The following OSBPL8 variants were observed in gnomAD, a reference collection of about 807,000 sequenced individuals.
OSBPL8 encodes oxysterol binding protein like 8, also known as oxysterol-binding protein-related protein 8.
OSBPL8 carries 59 observed loss-of-function variants against 125.5 expected under a neutral mutation model. That is an observed-to-expected ratio of 0.47 (90% CI 0.38 to 0.58). OSBPL8 has a LOEUF of 0.58. Among genes scored for constraint, OSBPL8 ranks in the 20% least tolerant of loss-of-function variants. The pLI is 0.00. For missense variants in OSBPL8, 758 were observed against 1,047.8 expected, an observed-to-expected ratio of 0.72 and a Z score of 3.82; for synonymous variants, 330 against 338.9, an observed-to-expected ratio of 0.97 and a Z score of 0.29.
chr12:76,442,833 T>A (rs1565900742), intron 4 of OSBPL8, among the ~76,000 whole-genome samples: 1 of 152,210 alleles, frequency 6.6e-6, no homozygotes, highest in South Asian at 2.1e-4. Flanking sequence ...AGGTACTCCA[T>A]GTTAGTCACC....
At chr12:76,501,004 G>C (rs2137115375) in intron 1 of OSBPL8, among the ~76,000 whole-genome samples, 1 of 152,244 alleles carries the variant, frequency 6.6e-6, no homozygotes, top group East Asian at 1.9e-4. Context: ...GTAGGCATCT[G>C]AGTTTGTGCC....
intron 4 of OSBPL8, among the ~76,000 whole-genome samples, chr12:76,415,326 C>A (rs1868500748): frequency 6.6e-6 from 1 of 151,538 alleles, no homozygotes; most frequent in South Asian, 2.1e-4. Context: ...CGGCTCACTG[C>A]AACCTCTGCC....
intron 1 of OSBPL8, among the ~76,000 whole-genome samples, chr12:76,526,709 G>C (rs1346569191): frequency 7.4e-6 from 1 of 135,630 alleles, no homozygotes; most frequent in Non-Finnish European, 1.5e-5. Flanking sequence ...GGAGTGCAAT[G>C]GTGCGATCTC....
chr12:76,402,643 G>T, intron 6 of OSBPL8, 46 bp downstream of exon 6: 1 of 1,374,052 alleles, frequency 7.3e-7, no homozygotes, highest in Non-Finnish European at 1.0e-6. Context: ...AAACACACAT[G>T]CAAAGCACAA....
chr12:76,362,757 T>C (rs1297059164), intron 21 of OSBPL8, among the ~76,000 whole-genome samples: 1 of 152,222 alleles, frequency 6.6e-6, no homozygotes, highest in African/African-American at 2.4e-5. Flanking sequence ...TGTTTGCAGA[T>C]GACATGACTG....
intron 2 of OSBPL8, among the ~76,000 whole-genome samples, chr12:76,477,581 A>G (rs925740531): frequency 6.6e-6 from 1 of 152,214 alleles, no homozygotes; most frequent in African/African-American, 2.4e-5. Context: ...GTCATAATCA[A>G]GAAGAACATG....
intron 1 of OSBPL8, among the ~76,000 whole-genome samples, chr12:76,526,713 C>G (rs550893021): frequency 2.4e-5 from 3 of 126,110 alleles, no homozygotes; most frequent in South Asian, 5.4e-4. Context: ...TGCAATGGTG[C>G]GATCTCGGCT....
At chr12:76,517,407 G>T (rs1456540945) in intron 1 of OSBPL8, among the ~76,000 whole-genome samples, 1 of 151,902 alleles carries the variant, frequency 6.6e-6, no homozygotes, top group African/African-American at 2.4e-5. Flanking sequence ...ATCAACTGTG[G>T]TTTCACCATC....
At chr12:76,373,502 A>G in intron 17 of OSBPL8, 69 bp from the exon 18 acceptor site, 1 of 1,166,738 alleles carries the variant, frequency 8.6e-7, no homozygotes, top group Non-Finnish European at 1.2e-6. Flanking sequence ...AAACCAAAAC[A>G]AAAAACCCAA....
At chr12:76,438,144 G>A (rs916862583) in intron 4 of OSBPL8, among the ~76,000 whole-genome samples, 1 of 151,032 alleles carries the variant, frequency 6.6e-6, no homozygotes. Flanking sequence ...GCACCACCAC[G>A]CCCAGCTAAT....
chr12:76,387,125 T>C (rs1953348095), intron 12 of OSBPL8, among the ~76,000 whole-genome samples: 1 of 152,204 alleles, frequency 6.6e-6, no homozygotes, highest in Admixed American at 6.5e-5. Flanking sequence ...GAAGGACCAA[T>C]ATTTACTTGG....
chr12:76,531,880 AC>A (rs1275676047), intron 1 of OSBPL8, among the ~76,000 whole-genome samples: 1 of 151,928 alleles, frequency 6.6e-6, no homozygotes, highest in Non-Finnish European at 1.5e-5. Flanking sequence ...TACTAAATAT[AC>A]AAAAAATTAG....
At chr12:76,517,666 T>C (rs190437356) in intron 1 of OSBPL8, among the ~76,000 whole-genome samples, 207 of 152,318 alleles carry the variant, frequency 1.4e-3, no homozygotes, top group Admixed American at 2.5e-3. Flanking sequence ...AAAGGGTTAA[T>C]TGGGTTCATA....
chr12:76,458,758 C>T (rs967663215), intron 3 of OSBPL8, among the ~76,000 whole-genome samples: 5 of 151,522 alleles, frequency 3.3e-5, no homozygotes, highest in East Asian at 1.9e-4. Context: ...AAAAAAATTA[C>T]ATACATACTA....
At chr12:76,387,095 C>T (rs185253920) in intron 12 of OSBPL8, among the ~76,000 whole-genome samples, 1 of 152,294 alleles carries the variant, frequency 6.6e-6, no homozygotes, top group Non-Finnish European at 1.5e-5. Context: ...TGTTAGAAGT[C>T]TTCAGCCTCA....
At chr12:76,431,290 A>T (rs184966722) in intron 4 of OSBPL8, among the ~76,000 whole-genome samples, 1,576 of 143,858 alleles carry the variant, frequency 0.011, 32 homozygotes, top group African/African-American at 0.038. Context: ...CCACTGCCAA[A>T]AAAAGAAAAA....
rs1035101887 is a variant in OSBPL8 at position 76,371,520 on chromosome 12, G to A, written c.1982C>T (p.Pro661Leu). 3.1e-6 allele frequency: 5 copies of A among 1,610,578 alleles called. No individual in the cohort carries two copies. The highest frequency in any genetic ancestry group is 3.3e-5 in the Admixed American group (2 of 59,726). The part of the protein sequence containing the change: ...DNSEVFWNPT[P>L]DIKQWRLIRH... ...TATTAATCTCCATTGCTTAATGTCAGGTGTTGGATTCCAGAAAACCTCTGA... is the reference window on the plus strand; with the variant it reads ...TATTAATCTCCATTGCTTAATGTCAAGTGTTGGATTCCAGAAAACCTCTGA... The change falls in exon 19 of 24, where the codon CCT becomes CTT. Residue 661 changes from proline to leucine, a missense_variant. Around this residue, in one of 3 missense-constraint regions of OSBPL8, gnomAD observed 572 missense variants for 762.0 expected, o/e 0.75. Transcript: ENST00000261183.
chr12:76,408,917 G>A (rs1170391846), intron 5 of OSBPL8, among the ~76,000 whole-genome samples: 1 of 151,846 alleles, frequency 6.6e-6, no homozygotes, highest in Admixed American at 6.6e-5. Context: ...GTGTTTAGGT[G>A]TTTAGGCTTT....
At chr12:76,535,301 A>G (rs1263366167) in intron 1 of OSBPL8, among the ~76,000 whole-genome samples, 3 of 152,154 alleles carry the variant, frequency 2.0e-5, no homozygotes, top group Non-Finnish European at 4.4e-5. Flanking sequence ...AATGAATAAA[A>G]GATTTAAACA....
Sources: gnomAD v4.1 joint callset for allele counts (sites outside exome capture counted in the v4.1 genomes callset) on GRCh38, gnomAD v4.1.1 for gene constraint, gnomAD v4.1.1 regional missense constraint, MANE v1.5 for transcripts, NCBI Gene and HGNC (gene_info 2026-07-23, HGNC 2026-07-21) for gene names.